Variants in AASS observed in about 807,000 individuals in gnomAD.
AASS encodes aminoadipate-semialdehyde synthase, also known as alpha-aminoadipic semialdehyde synthase, mitochondrial.
In AASS, 86 loss-of-function variants were observed where a neutral mutation model predicts 105.4. The observed-to-expected ratio is 0.82, with a 90% CI of 0.69 to 0.98. The LOEUF (loss-of-function observed/expected upper bound fraction) is 0.98, where lower values mean the gene tolerates loss of function less well. AASS is among the 50% of genes least tolerant of loss of function. The pLI is 0.00. For missense variants in AASS, 1,048 were observed against 1,143.2 expected, an observed-to-expected ratio of 0.92 and a Z score of 1.20; for synonymous variants, 381 against 394.8, an observed-to-expected ratio of 0.96 and a Z score of 0.41.
At chr7:122,130,717 A>G (rs1056368322) in intron 2 of AASS, among the ~76,000 whole-genome samples, 4 of 152,010 alleles carry the variant, frequency 2.6e-5, no homozygotes, top group African/African-American at 9.6e-5. Flanking sequence ...TCTACCTCAA[A>G]GGAAAGTAGA....
At chr7:122,103,517 A>G (rs1316519492) in intron 11 of AASS, among the ~76,000 whole-genome samples, 2 of 152,090 alleles carry the variant, frequency 1.3e-5, no homozygotes, top group Non-Finnish European at 2.9e-5. Context: ...ATAAAAAGTA[A>G]AAAAATCCAC....
chr7:122,086,758 A>C (rs7787099), intron 18 of AASS, among the ~76,000 whole-genome samples: 24,540 of 152,084 alleles, frequency 0.16, 2,134 homozygotes, highest in South Asian at 0.28. Flanking sequence ...AGTCACATAC[A>C]TTTCATTCAT....
intron 15 of AASS, among the ~76,000 whole-genome samples, chr7:122,095,240 T>A (rs1272595394): frequency 6.6e-6 from 1 of 152,060 alleles, no homozygotes; most frequent in African/African-American, 2.4e-5. Flanking sequence ...AAAATCCACA[T>A]GGTGAACAAT....
chr7:122,082,943 G>A (rs1322569033), intron 19 of AASS: 2 of 1,093,036 alleles, frequency 1.8e-6, no homozygotes, highest in African/African-American at 1.6e-5. Context: ...TAGATGAAGT[G>A]AAGAAAGACC....
chr7:122,090,151 T>A (rs984739207), intron 18 of AASS, among the ~76,000 whole-genome samples: 1 of 152,192 alleles, frequency 6.6e-6, no homozygotes, highest in Non-Finnish European at 1.5e-5. Flanking sequence ...TCTTTGGCTA[T>A]GTTATGAGGG....
intron 8 of AASS, among the ~76,000 whole-genome samples, 193 bp from the exon 9 acceptor site, chr7:122,115,415 T>C (rs1380790974): frequency 6.6e-6 from 1 of 152,188 alleles, no homozygotes; most frequent in Non-Finnish European, 1.5e-5. Flanking sequence ...AGTATAGAAT[T>C]ACCCTATGAT....
At chr7:122,086,310 C>T in intron 18 of AASS, 131 bp from the exon 19 acceptor site, 1 of 867,380 alleles carries the variant, frequency 1.2e-6, no homozygotes, top group Non-Finnish European at 1.8e-6. Context: ...CCACCATAAT[C>T]ATCATCCTAT....
At chr7:122,080,401 T>A (rs1793255036) in intron 20 of AASS, among the ~76,000 whole-genome samples, 1 of 152,180 alleles carries the variant, frequency 6.6e-6, no homozygotes, top group Admixed American at 6.5e-5. Flanking sequence ...ACAGAGACCG[T>A]GTGGCCCATA....
Position 122,079,600 on chromosome 7 carries a change from T to G in AASS, c.2393A>C (p.Glu798Ala). ...GGDNTQLEAA[E>A]WLGLLGDEQV... ...AAGTTGAGTGGTGGGTGCCTACCATTCAGCAGCCTCCAACTGGGTATTGTC... is the reference window on the plus strand; with the variant it reads ...AAGTTGAGTGGTGGGTGCCTACCATGCAGCAGCCTCCAACTGGGTATTGTC... The change falls in exon 21 of 24, where the codon GAA becomes GCA. Residue 798 changes from glutamate to alanine, a missense_variant. Transcript: ENST00000417368. 6.2e-7 allele frequency: 1 copy of G among 1,608,578 alleles called. No individual in the cohort carries two copies. Among genetic ancestry groups the G allele is most frequent in the South Asian group, 1.1e-5 (1 of 90,972 alleles).
intron 2 of AASS, among the ~76,000 whole-genome samples, chr7:122,131,780 T>C (rs1172563969): frequency 6.6e-6 from 1 of 152,020 alleles, no homozygotes; most frequent in Non-Finnish European, 1.5e-5. Context: ...TTGGTGAAAT[T>C]ATTAATTTCC....
chr7:122,116,518 G>T, intron 8 of AASS, 115 bp downstream of exon 8: 1 of 1,314,126 alleles, frequency 7.6e-7, no homozygotes, highest in East Asian at 2.4e-5. Context: ...ATACCCAAAG[G>T]ACTCACAACA....
chr7:122,085,988 T>C (rs1020849521), intron 19 of AASS, 24 bp downstream of exon 19: 1 of 1,613,084 alleles, frequency 6.2e-7, no homozygotes, highest in Non-Finnish European at 8.5e-7. Flanking sequence ...GGCAACATGT[T>C]GAATCTAAAG....
chr7:122,125,073 C>T (rs919343578), intron 4 of AASS, among the ~76,000 whole-genome samples: 5 of 152,086 alleles, frequency 3.3e-5, no homozygotes, highest in African/African-American at 1.2e-4. Context: ...TAGACATGCA[C>T]CACCAACGGC....
At chr7:122,139,914 T>G (rs908116286) in intron 1 of AASS, among the ~76,000 whole-genome samples, 2 of 151,884 alleles carry the variant, frequency 1.3e-5, no homozygotes, top group African/African-American at 4.8e-5. Flanking sequence ...ATCATGCCAT[T>G]ACACTCCCAC....
intron 3 of AASS, among the ~76,000 whole-genome samples, chr7:122,127,979 C>T (rs756822029): frequency 2.3e-4 from 35 of 152,130 alleles, no homozygotes; most frequent in Non-Finnish European, 4.9e-4. Context: ...TCTTGATTTG[C>T]CCACCGAAGC....
chr7:122,081,706 TA>T (rs1185122483), intron 19 of AASS, 111 bp from the exon 20 acceptor site: 1 of 763,206 alleles, frequency 1.3e-6, no homozygotes, highest in African/African-American at 1.8e-5. Context: ...GAAAACTGTT[TA>T]TATTGATGAT....
At chr7:122,085,920 T>C (rs2150511771) in intron 19 of AASS, 92 bp downstream of exon 19, 2 of 1,436,954 alleles carry the variant, frequency 1.4e-6, no homozygotes, top group East Asian at 2.3e-5. Flanking sequence ...TGGTTTATCA[T>C]CTTAATTATT....
intron 2 of AASS, 40 bp downstream of exon 2, chr7:122,133,477 G>T (rs766135838): frequency 6.3e-7 from 1 of 1,597,994 alleles, no homozygotes; most frequent in Non-Finnish European, 8.6e-7. Context: ...TCATATGCAG[G>T]TTCATTTTAT....
chr7:122,077,927 A>G lies in AASS; in HGVS notation c.2573T>C (p.Leu858Pro), dbSNP rs1241167269. 1 of 1,614,210 alleles carries G rather than the reference A, an allele frequency of 6.2e-7. No individual in the cohort carries two copies. Among genetic ancestry groups the G allele is most frequent in the East Asian group, 2.2e-5 (1 of 44,866 alleles). The change falls in exon 23 of 24, where the codon CTT (leucine) becomes CCT (proline). Residue 858 changes from leucine (L) to proline (P), a missense_variant. Physicochemically the swap from Leu to Pro is moderately conservative, Grantham distance 98 (BLOSUM62 -3). Transcript: ENST00000417368. ...SGHLEHKTID[L>P]VAYGDINGFS... ...GCCATTGATGTCCCCATAAGCCACA[A>G]GATCAATCGTTTTATGTTCTAAATG...
Sources: gnomAD v4.1 joint callset for allele counts (sites outside exome capture counted in the v4.1 genomes callset) on GRCh38, gnomAD v4.1.1 for gene constraint, MANE v1.5 for transcripts, NCBI Gene and HGNC (gene_info 2026-07-23, HGNC 2026-07-21) for gene names.